Variants in HOMER1 observed in about 807,000 individuals in gnomAD.
HOMER1 encodes the protein homer scaffold protein 1.
Under a neutral mutation model 48.9 loss-of-function variants are expected in HOMER1, and 3 were observed. The observed-to-expected ratio is 0.06, with a 90% confidence interval of 0.03 to 0.16. HOMER1 has a LOEUF of 0.16. HOMER1 is among the 10% of genes least tolerant of loss of function. The pLI is 1.00. For missense variants in HOMER1, 247 were observed against 411.4 expected, an observed-to-expected ratio of 0.60 and a Z score of 3.46; for synonymous variants, 134 against 146.4, an observed-to-expected ratio of 0.92 and a Z score of 0.61.
At chr5:79,427,650 ACCTT>A (rs1178778660) in intron 5 of HOMER1, among the ~76,000 whole-genome samples, 9 of 104,420 alleles carry the variant, frequency 8.6e-5, no homozygotes, top group Non-Finnish European at 1.3e-4. Context: ...TTTCCTTCCT[ACCTT>A]CCTTCCTTCC....
chr5:79,400,662 T>C (rs1749510412), intron 6 of HOMER1, among the ~76,000 whole-genome samples: 1 of 150,586 alleles, frequency 6.6e-6, no homozygotes, highest in South Asian at 2.1e-4. Flanking sequence ...CAGCTTGGAA[T>C]TTTTTTTAAA....
intron 8 of HOMER1, among the ~76,000 whole-genome samples, chr5:79,376,878 A>G (rs989328911): frequency 6.6e-6 from 1 of 152,272 alleles, no homozygotes; most frequent in Non-Finnish European, 1.5e-5. Flanking sequence ...ATGACAACAA[A>G]AAAAACACTA....
chr5:79,402,548 T>C (rs1363944745), intron 5 of HOMER1, among the ~76,000 whole-genome samples: 3 of 152,182 alleles, frequency 2.0e-5, no homozygotes, highest in Non-Finnish European at 4.4e-5. Flanking sequence ...AAAGAAAACC[T>C]GGCAAGTGAA....
intron 1 of HOMER1, among the ~76,000 whole-genome samples, chr5:79,500,010 C>T (rs1484825512): frequency 6.6e-6 from 1 of 152,092 alleles, no homozygotes; most frequent in African/African-American, 2.4e-5. Context: ...CATGCTATTA[C>T]AAGAAAAAGC....
chr5:79,510,544 C>G, intron 1 of HOMER1: 1 of 747,356 alleles, frequency 1.3e-6, no homozygotes, highest in Admixed American at 1.7e-5. Context: ...GGGTGGACCC[C>G]AAGTTCCTGA....
At chr5:79,458,272 CAT>C (rs1190103451) in intron 1 of HOMER1, among the ~76,000 whole-genome samples, 6 of 151,980 alleles carry the variant, frequency 3.9e-5, no homozygotes. Context: ...TTGGAAGCAG[CAT>C]TTATCAAGCT....
At chr5:79,466,571 C>T (rs1751471260) in intron 1 of HOMER1, among the ~76,000 whole-genome samples, 2 of 151,832 alleles carry the variant, frequency 1.3e-5, no homozygotes, top group African/African-American at 2.4e-5. Flanking sequence ...TTTTACTTGA[C>T]TTTAAATATT....
chr5:79,387,785 T>G (rs183676256), intron 8 of HOMER1, among the ~76,000 whole-genome samples: 1 of 152,284 alleles, frequency 6.6e-6, no homozygotes, highest in African/African-American at 2.4e-5. Context: ...GCAGCCAAGG[T>G]AATAGTGACT....
chr5:79,495,475 T>C (rs966601017), intron 1 of HOMER1, among the ~76,000 whole-genome samples: 2 of 152,186 alleles, frequency 1.3e-5, no homozygotes, highest in Non-Finnish European at 2.9e-5. Context: ...AAACACAACA[T>C]ACATCTCTAT....
chr5:79,379,745 T>C (rs1748917192), intron 8 of HOMER1, among the ~76,000 whole-genome samples: 1 of 151,688 alleles, frequency 6.6e-6, no homozygotes, highest in Non-Finnish European at 1.5e-5. Context: ...ATGCCCGGCC[T>C]TGCCTTTCAT....
At chr5:79,396,780 C>A in intron 8 of HOMER1, 43 bp downstream of exon 8, 1 of 1,138,660 alleles carries the variant, frequency 8.8e-7, no homozygotes, top group Non-Finnish European at 1.3e-6. Context: ...AAAAATGATG[C>A]CTTTCTATGC....
intron 5 of HOMER1, among the ~76,000 whole-genome samples, chr5:79,419,821 G>C (rs966756837): frequency 1.3e-5 from 2 of 152,058 alleles, no homozygotes; most frequent in Non-Finnish European, 2.9e-5. Context: ...TATTCACAGA[G>C]GATCTTAACA....
intron 1 of HOMER1, among the ~76,000 whole-genome samples, chr5:79,480,975 T>C (rs997607640): frequency 1.3e-5 from 2 of 152,218 alleles, no homozygotes; most frequent in African/African-American, 4.8e-5. Flanking sequence ...AAAGATACTC[T>C]TCAACCATCA....
intron 4 of HOMER1, 24 bp from the exon 5 acceptor site, chr5:79,439,173 A>T: frequency 1.9e-6 from 3 of 1,611,788 alleles, no homozygotes; most frequent in Non-Finnish European, 2.5e-6. Context: ...GGTGGGGGAT[A>T]AAAAATAGTT....
At chr5:79,391,355 G>C (rs1381657419) in intron 8 of HOMER1, among the ~76,000 whole-genome samples, 1 of 151,842 alleles carries the variant, frequency 6.6e-6, no homozygotes, top group East Asian at 1.9e-4. Context: ...GTCTCAAACT[G>C]CTGGGCCCAA....
At chr5:79,470,630 T>G (rs910774526) in intron 1 of HOMER1, among the ~76,000 whole-genome samples, 1 of 152,166 alleles carries the variant, frequency 6.6e-6, no homozygotes, top group African/African-American at 2.4e-5. Context: ...CCATGAGTTG[T>G]CTTTTTTTAC....
At chr5:79,460,582 A>C (rs1751292299) in intron 1 of HOMER1, among the ~76,000 whole-genome samples, 1 of 152,212 alleles carries the variant, frequency 6.6e-6, no homozygotes, top group Admixed American at 6.5e-5. Context: ...TAAAGGATTA[A>C]AGGTAAATTT....
chr5:79,432,951 G>A (rs2112266186), intron 5 of HOMER1, among the ~76,000 whole-genome samples: 1 of 152,176 alleles, frequency 6.6e-6, no homozygotes, highest in African/African-American at 2.4e-5. Context: ...GTTTGATAGT[G>A]GAGGAATAAT....
chr5:79,375,891 G>A lies in HOMER1; in HGVS notation c.*118C>T. ...AATTTCAAAAGATCCTCCTCCTGGA[G>A]GAGTGATATTCAATTTTTTTTTTTT... On this transcript the variant is annotated 3_prime_UTR_variant, in exon 9 of 9. Coordinates refer to ENST00000334082, the MANE Select transcript of HOMER1 (RefSeq NM_004272.5). 1.9e-6 allele frequency: 1 copy of A among 521,474 alleles called. No homozygotes were observed. The highest frequency in any genetic ancestry group is 3.1e-6 in the Non-Finnish European group (1 of 319,726). 32.3% of individuals were successfully genotyped at this position (521,474 alleles called of 1,614,324 possible).
Sources: allele counts gnomAD v4.1 joint callset (sites outside exome capture counted in the v4.1 genomes callset), GRCh38; gene constraint gnomAD v4.1.1; transcripts MANE v1.5; gene names NCBI Gene and HGNC (gene_info 2026-07-23, HGNC 2026-07-21).